Variants in ADAMTS16 observed in about 807,000 individuals in gnomAD.
ADAMTS16 encodes A disintegrin and metalloproteinase with thrombospondin motifs 16.
A neutral mutation model predicts 145.8 loss-of-function variants in ADAMTS16; 94 were observed. The observed-to-expected ratio is 0.64, with a 90% CI of 0.55 to 0.77. The LOEUF (loss-of-function observed/expected upper bound fraction) is 0.77. Ranked by LOEUF, ADAMTS16 falls within the 30% of genes least tolerant of loss-of-function variation. The probability of loss-of-function intolerance (pLI) is 0.00; values close to 1 mark genes in which losing one functional copy is unlikely to be tolerated. For synonymous variants in ADAMTS16, 659 were observed against 604.3 expected (o/e 1.09, Z -1.33); for missense variants, 1,585 against 1,591.5 (o/e 1.00, Z 0.07).
chr5:5,196,894 G>A (rs1735821577), intron 8 of ADAMTS16, among the ~76,000 whole-genome samples: 1 of 152,176 alleles, frequency 6.6e-6, no homozygotes, highest in Non-Finnish European at 1.5e-5. Context: ...GAATGACAGA[G>A]CCAAGACCCT....
chr5:5,215,819 ATGTGG>A lies in ADAMTS16; in HGVS notation c.1605+6575_1605+6579del, dbSNP rs1482110066. On this transcript the variant is annotated intron_variant, in intron 10 of 22. Coordinates refer to ENST00000274181, the MANE Select transcript of ADAMTS16 (RefSeq NM_139056.4). ...TGGTATATATATGTGTGGTATATATATGTGGTATATATATGTGGTGTGTATATATA... is the reference window on the plus strand; with the variant it reads ...TGGTATATATATGTGTGGTATATATATATATATATGTGGTGTGTATATATA... Among the ~76,000 whole-genome samples the A allele has an allele frequency of 1.5e-3, 192 of 126,516 alleles. 1 individual carries two copies. Among genetic ancestry groups the A allele is most frequent in the Middle Eastern group, 8.2e-3 (2 of 244 alleles). 83.0% of individuals were successfully genotyped at this position (126,516 alleles called of 152,430 possible).
intron 11 of ADAMTS16, among the ~76,000 whole-genome samples, chr5:5,231,503 T>A (rs1736922953): frequency 6.6e-6 from 1 of 151,666 alleles, no homozygotes; most frequent in Non-Finnish European, 1.5e-5. Flanking sequence ...TGACTTCAGG[T>A]CTCCCCAGCC....
At chr5:5,199,758 G>A (rs1231955774) in intron 8 of ADAMTS16, among the ~76,000 whole-genome samples, 1 of 152,114 alleles carries the variant, frequency 6.6e-6, no homozygotes, top group Non-Finnish European at 1.5e-5. Context: ...CATTTCTAAC[G>A]AACACCCATG....
intron 11 of ADAMTS16, among the ~76,000 whole-genome samples, chr5:5,228,391 T>C (rs895095789): frequency 6.6e-6 from 1 of 152,322 alleles, no homozygotes; most frequent in African/African-American, 2.4e-5. Flanking sequence ...AGAACCAAGA[T>C]TTTTAATATA....
chr5:5,279,618 T>C (rs1157178938), intron 18 of ADAMTS16, among the ~76,000 whole-genome samples: 1 of 147,386 alleles, frequency 6.8e-6, no homozygotes, highest in Non-Finnish European at 1.5e-5. Context: ...AGTAGACAAA[T>C]GTTATGATGT....
At chr5:5,197,546 A>G (rs769773786) in intron 8 of ADAMTS16, among the ~76,000 whole-genome samples, 20 of 152,202 alleles carry the variant, frequency 1.3e-4, no homozygotes, top group Non-Finnish European at 2.6e-4. Flanking sequence ...TAAGGGGAAA[A>G]AGATAAAATA....
At chr5:5,267,317 T>A (rs1373384504) in intron 18 of ADAMTS16, among the ~76,000 whole-genome samples, 1 of 152,196 alleles carries the variant, frequency 6.6e-6, no homozygotes, top group Non-Finnish European at 1.5e-5. Context: ...CTTTGCCTTA[T>A]CCCGAGGACA....
chr5:5,183,436 C>T (rs1403783742), intron 4 of ADAMTS16, among the ~76,000 whole-genome samples: 1 of 152,238 alleles, frequency 6.6e-6, no homozygotes. Flanking sequence ...ACTCTGCTGC[C>T]AGGGCTCACG....
chr5:5,303,440 C>A lies in ADAMTS16; in HGVS notation c.2962C>A (p.Pro988Thr), dbSNP rs765529076. ...GGCCTGCAACTCTCAGAGCTGCCCACCTGCATGGAGCGCCGGGCCCTGGGC... is the reference window on the plus strand; with the variant it reads ...GGCCTGCAACTCTCAGAGCTGCCCAACTGCATGGAGCGCCGGGCCCTGGGC... ...RQACNSQSCPPAWSAGPWAEC... is the reference protein window; with the variant it reads ...RQACNSQSCPTAWSAGPWAEC... The change falls in exon 19 of 23, where the codon CCT (proline) becomes ACT (threonine). Residue 988 changes from proline to threonine, a missense_variant. Coordinates refer to ENST00000274181, the MANE Select transcript of ADAMTS16 (RefSeq NM_139056.4). The A allele has an allele frequency of 4.3e-6, 7 of 1,611,526 alleles. 1 individual carries two copies. In the South Asian group the frequency reaches 5.5e-5, roughly 13 times the overall value.
Position 5,207,853 on chromosome 5 carries a change from C to A in ADAMTS16, c.1452-1240C>A, listed in dbSNP as rs1025625590. On this transcript the variant is annotated intron_variant, in intron 9 of 22. Coordinates refer to ENST00000274181, the MANE Select transcript of ADAMTS16 (RefSeq NM_139056.4). ...AATTGACTTTAGAATATTGAACAGA[C>A]CTTGCAGACCTAGGATTAATCCCAC... is the stretch of plus-strand genomic sequence containing the variant. Among the ~76,000 whole-genome samples the A allele has an allele frequency of 4.5e-4, 68 of 152,022 alleles. 1 individual carries two copies. The Middle Eastern group carries it at 0.014, about 30-fold the overall frequency.
chr5:5,306,516 T>C lies in ADAMTS16; in HGVS notation c.3199T>C (p.Cys1067Arg). The C allele has an allele frequency of 6.2e-7, 1 of 1,613,234 alleles. No homozygotes were observed. The highest frequency in any genetic ancestry group is 8.5e-7 in the Non-Finnish European group (1 of 1,179,210). Residue 1067 changes from cysteine (C) to arginine (R), a missense_variant, in exon 21 of 23, where the codon TGT becomes CGT. Transcript: ENST00000274181. ...VSAWSQCSVT[C>R]ERGTQKRFLK... is the part of the protein sequence containing the mutation. ...CTCTTCTTTTTAGTGCTCTGTGACA[T>C]GTGAAAGAGGAACACAGAAAAGATT...
intron 3 of ADAMTS16, among the ~76,000 whole-genome samples, chr5:5,152,932 T>G (rs1267457824): frequency 1.3e-5 from 2 of 152,242 alleles, no homozygotes; most frequent in African/African-American, 4.8e-5. Flanking sequence ...GACACTATTA[T>G]TAACATATTT....
At chr5:5,284,742 T>C (rs1183405893) in intron 18 of ADAMTS16, among the ~76,000 whole-genome samples, 1 of 152,216 alleles carries the variant, frequency 6.6e-6, no homozygotes, top group Non-Finnish European at 1.5e-5. Flanking sequence ...TCGGTCTTCT[T>C]CCAGAATATT....
intron 17 of ADAMTS16, among the ~76,000 whole-genome samples, chr5:5,255,981 T>C (rs1385125799): frequency 6.6e-6 from 1 of 152,208 alleles, no homozygotes; most frequent in Non-Finnish European, 1.5e-5. Flanking sequence ...CCACAGTTTA[T>C]CTTTTGTAGC....
intron 18 of ADAMTS16, among the ~76,000 whole-genome samples, chr5:5,289,850 T>G (rs1739235193): frequency 6.6e-6 from 1 of 152,212 alleles, no homozygotes; most frequent in South Asian, 2.1e-4. Flanking sequence ...ATAAGATACT[T>G]GCCAACTTTT....
chr5:5,177,043 G>T (rs537076081), intron 3 of ADAMTS16, among the ~76,000 whole-genome samples: 4 of 152,094 alleles, frequency 2.6e-5, no homozygotes, highest in South Asian at 2.1e-4. Context: ...CTTCTCCTTC[G>T]TCCAGCCCTG....
chr5:5,266,030 C>T (rs1367306985), intron 18 of ADAMTS16, among the ~76,000 whole-genome samples: 1 of 143,948 alleles, frequency 6.9e-6, no homozygotes, highest in Non-Finnish European at 1.5e-5. Flanking sequence ...GTGTGTGTGA[C>T]TTTCACATGC....
At chr5:5,154,441 AT>A (rs2126516719) in intron 3 of ADAMTS16, among the ~76,000 whole-genome samples, 1 of 152,372 alleles carries the variant, frequency 6.6e-6, no homozygotes, top group South Asian at 2.1e-4. Context: ...AATATATTTC[AT>A]TAGATCAAAT....
At chr5:5,158,575 T>C (rs796398380) in intron 3 of ADAMTS16, among the ~76,000 whole-genome samples, 21 of 152,110 alleles carry the variant, frequency 1.4e-4, no homozygotes, top group African/African-American at 5.1e-4. Context: ...GGGAAGCAAA[T>C]GGGGCAAGTG....
Sources: allele counts gnomAD v4.1 joint callset (sites outside exome capture counted in the v4.1 genomes callset), GRCh38; gene constraint gnomAD v4.1.1; transcripts MANE v1.5; gene names NCBI Gene and HGNC (gene_info 2026-07-23, HGNC 2026-07-21).